The following LRP5 variants were observed in gnomAD, a reference collection of about 807,000 sequenced individuals.
LRP5 encodes the protein low-density lipoprotein receptor-related protein 5.
In LRP5, 62 loss-of-function variants were observed where a neutral mutation model predicts 154.1. That is an observed-to-expected ratio of 0.40 (90% CI 0.33 to 0.50). The LOEUF (loss-of-function observed/expected upper bound fraction) is 0.50, where lower values mean the gene tolerates loss of function less well. Ranked by LOEUF, LRP5 falls within the 20% of genes least tolerant of loss-of-function variation. The pLI, the probability that LRP5 is intolerant of heterozygous loss-of-function variation, is 0.55. For synonymous variants in LRP5, 966 were observed against 1,011.5 expected, an observed-to-expected ratio of 0.96 and a Z score of 0.85; for missense variants, 1,915 against 2,336.7, an observed-to-expected ratio of 0.82 and a Z score of 3.72.
At chr11:68,415,090 C>T (rs115177734) in intron 12 of LRP5, among the ~76,000 whole-genome samples, 1 of 152,356 alleles carries the variant, frequency 6.6e-6, no homozygotes, top group African/African-American at 2.4e-5. Context: ...CGAAGTGCCA[C>T]AGCTTCTGAA....
At chr11:68,382,445 C>G (rs184786008) in intron 5 of LRP5, among the ~76,000 whole-genome samples, 284 of 152,328 alleles carry the variant, frequency 1.9e-3, no homozygotes, top group Non-Finnish European at 3.1e-3. Context: ...GCAGGCCCCC[C>G]ACACAGACCC....
At chr11:68,429,754 G>A in intron 17 of LRP5, 54 bp downstream of exon 17, 1 of 1,611,182 alleles carries the variant, frequency 6.2e-7, no homozygotes, top group South Asian at 1.1e-5. Context: ...CTGATTCTCT[G>A]CCTGCTAGGC....
upstream of LRP5, among the ~76,000 whole-genome samples, chr11:68,308,023 A>G (rs1416258867): frequency 2.6e-5 from 4 of 152,206 alleles, no homozygotes; most frequent in Non-Finnish European, 5.9e-5. Flanking sequence ...GTTACCAACC[A>G]AGCCCTCCAG....
chr11:68,403,456 C>A, intron 7 of LRP5, 27 bp from the exon 8 acceptor site: 1 of 1,607,182 alleles, frequency 6.2e-7, no homozygotes, highest in Non-Finnish European at 8.5e-7. Context: ...CTGGCCCATC[C>A]AGACCTATAT....
chr11:68,334,795 G>GGCGGA (rs745803323), intron 1 of LRP5, among the ~76,000 whole-genome samples: 3 of 152,148 alleles, frequency 2.0e-5, no homozygotes, highest in Non-Finnish European at 2.9e-5. Context: ...GAACCTGGGA[G>GGCGGA]GCGGAGGTTG....
chr11:68,332,495 T>C (rs2153120143), intron 1 of LRP5, among the ~76,000 whole-genome samples: 1 of 152,334 alleles, frequency 6.6e-6, no homozygotes, highest in East Asian at 1.9e-4. Flanking sequence ...GCGGGCTCTC[T>C]CCAGTGAAGG....
chr11:68,321,912 G>C (rs2098596965), intron 1 of LRP5, among the ~76,000 whole-genome samples: 1 of 152,214 alleles, frequency 6.6e-6, no homozygotes, highest in Non-Finnish European at 1.5e-5. Context: ...GAACACACCA[G>C]CCTGGGTGCT....
the LRP5 span, among the ~76,000 whole-genome samples, chr11:68,307,469 A>G: frequency 6.9e-3 from 1,057 of 152,304 alleles, 29 homozygotes; most frequent in Non-Finnish European, 5.3e-3. Flanking sequence ...GTTCAAGACC[A>G]GCCTGGGCAA....
At chr11:68,373,726 C>A (rs911486037) in intron 5 of LRP5, among the ~76,000 whole-genome samples, 2 of 152,234 alleles carry the variant, frequency 1.3e-5, no homozygotes, top group Non-Finnish European at 2.9e-5. Context: ...CATGTTTTTC[C>A]AATTATGTGG....
At position 68,433,779 on chromosome 11, in the gene LRP5, G is replaced by C. The variant is rs751382262; in HGVS notation, c.3941G>C (p.Arg1314Pro). Residue 1314 changes from arginine (R) to proline (P), a missense_variant, in exon 18 of 23, where the codon CGC becomes CCC. By Grantham distance (103) the Arg-to-Pro change is moderately radical. Transcript: ENST00000294304. ...PCARGQCVDL[R>P]LRCDGEADCQ... ...GCGCGGGGTCAGTGTGTGGACCTGCGCCTGCGCTGCGACGGCGAGGCAGAC... is the reference window on the plus strand; with the variant it reads ...GCGCGGGGTCAGTGTGTGGACCTGCCCCTGCGCTGCGACGGCGAGGCAGAC... 1 of 1,612,508 alleles carries C rather than the reference G, an allele frequency of 6.2e-7. No homozygotes were observed. The highest frequency in any genetic ancestry group is 1.7e-5 in the Admixed American group (1 of 59,988).
At chr11:68,427,529 A>C (rs2098669445) in intron 16 of LRP5, among the ~76,000 whole-genome samples, 2 of 152,104 alleles carry the variant, frequency 1.3e-5, no homozygotes, top group Admixed American at 1.3e-4. Flanking sequence ...AAAATACAAA[A>C]ATTAGCTGGG....
At chr11:68,334,911 C>T (rs952011330) in intron 1 of LRP5, among the ~76,000 whole-genome samples, 3 of 152,008 alleles carry the variant, frequency 2.0e-5, no homozygotes, top group South Asian at 2.1e-4. Flanking sequence ...TACATACACA[C>T]GTACAGTTGG....
At chr11:68,412,531 GCT>G (rs1163565740) in intron 11 of LRP5, among the ~76,000 whole-genome samples, 1 of 152,064 alleles carries the variant, frequency 6.6e-6, no homozygotes, top group African/African-American at 2.4e-5. Context: ...TGTAGTCCAA[GCT>G]ACTTGGGAGG....
intron 5 of LRP5, among the ~76,000 whole-genome samples, chr11:68,366,670 G>A (rs1488739949): frequency 6.6e-6 from 1 of 152,168 alleles, no homozygotes; most frequent in Non-Finnish European, 1.5e-5. Context: ...CATCTTTAAT[G>A]AAGACATGGC....
chr11:68,416,251 G>GTGGC, intron 12 of LRP5, 77 bp from the exon 13 acceptor site: 1 of 1,279,724 alleles, frequency 7.8e-7, no homozygotes, highest in Non-Finnish European at 1.1e-6. Flanking sequence ...CTGTTGTCGA[G>GTGGC]TGGCGTGCTA....
rs555341682 is a variant in LRP5, at chr11:68,420,205, C to T, written c.3028-3284C>T. Among the ~76,000 whole-genome samples, 15 of 152,302 alleles carry T rather than the reference C, an allele frequency of 9.8e-5. No individual in the cohort carries two copies. In the East Asian group the frequency reaches 1.9e-3, roughly 20 times the overall value. On this transcript the variant is annotated intron_variant, in intron 13 of 22. Coordinates refer to ENST00000294304, the MANE Select transcript of LRP5 (RefSeq NM_002335.4). ...TTCTCGGCAGATGTCCGAAACTGTC[C>T]GCATTGAACACACTCCTCATCTCCC...
intron 1 of LRP5, among the ~76,000 whole-genome samples, chr11:68,333,918 C>T (rs1168197414): frequency 6.6e-6 from 1 of 152,190 alleles, no homozygotes; most frequent in African/African-American, 2.4e-5. Context: ...CCTCCCACCC[C>T]ATTGCACAAA....
intron 5 of LRP5, among the ~76,000 whole-genome samples, chr11:68,368,734 G>A (rs1401816640): frequency 6.6e-6 from 1 of 152,128 alleles, no homozygotes; most frequent in African/African-American, 2.4e-5. Flanking sequence ...TGTCTGTGTG[G>A]GTGATCGAAC....
intron 18 of LRP5, among the ~76,000 whole-genome samples, chr11:68,435,977 C>T (rs761344685): frequency 2.2e-4 from 33 of 152,200 alleles, no homozygotes; most frequent in Non-Finnish European, 4.1e-4. Flanking sequence ...CCACCTACCT[C>T]GGCCTCCCAA....
Sources: allele counts gnomAD v4.1 joint callset (sites outside exome capture counted in the v4.1 genomes callset), GRCh38; gene constraint gnomAD v4.1.1; transcripts MANE v1.5; gene names NCBI Gene and HGNC (gene_info 2026-07-23, HGNC 2026-07-21).